ROBO2: variants seen among roughly 807,000 people sequenced by gnomAD.
ROBO2 encodes the protein roundabout guidance receptor 2, also known as roundabout homolog 2.
Under a neutral mutation model 160.8 loss-of-function variants are expected in ROBO2, and 53 were observed. That is an observed-to-expected ratio of 0.33 (90% confidence interval 0.26 to 0.41). ROBO2 has a LOEUF of 0.41. Among genes scored for constraint, ROBO2 ranks in the 10% least tolerant of loss-of-function variants. ROBO2 has a pLI of 1.00. For synonymous variants in ROBO2, 664 were observed against 611.7 expected (o/e 1.09, Z -1.26); for missense variants, 1,577 against 1,722.4 (o/e 0.92, Z 1.49).
rs1017915652 is a variant in ROBO2, at chr3:76,939,786, A to C, written c.110-158228A>C. ...GCCACGGAGCAAGATTCTATCTAAA[A>C]AAATAAGTAAATAAATCAATCAATC... On this transcript the variant is annotated intron_variant, in intron 2 of 26. Transcript: ENST00000487694. Among the ~76,000 whole-genome samples the C allele has an allele frequency of 1.2e-4, 19 of 152,036 alleles. 1 individual carries two copies. Among genetic ancestry groups the C allele is most frequent in the Non-Finnish European group, 4.4e-5 (3 of 68,022 alleles).
intron 2 of ROBO2, among the ~76,000 whole-genome samples, chr3:77,307,772 A>G (rs553220045): frequency 6.6e-6 from 1 of 152,130 alleles, no homozygotes; most frequent in African/African-American, 2.4e-5. Flanking sequence ...AATCCCAGCT[A>G]CTCGGGAGGC....
intron 2 of ROBO2, among the ~76,000 whole-genome samples, chr3:77,377,327 C>A (rs767955399): frequency 3.3e-5 from 5 of 152,094 alleles, no homozygotes; most frequent in South Asian, 2.1e-4. Flanking sequence ...GGTTATTCCT[C>A]CTAAAATATT....
chr3:77,375,893 A>G (rs2072578862), intron 2 of ROBO2, among the ~76,000 whole-genome samples: 1 of 149,416 alleles, frequency 6.7e-6, no homozygotes, highest in Non-Finnish European at 1.5e-5. Flanking sequence ...GAGTGAAATT[A>G]CCGATGATTT....
chr3:76,347,228 T>C (rs1381771595), intron 2 of ROBO2, among the ~76,000 whole-genome samples: 1 of 152,152 alleles, frequency 6.6e-6, no homozygotes, highest in Non-Finnish European at 1.5e-5. Flanking sequence ...CCCCAAGGCA[T>C]AGATTCTCCT....
intron 2 of ROBO2, among the ~76,000 whole-genome samples, chr3:77,294,992 A>G (rs1204670550): frequency 2.0e-5 from 3 of 151,866 alleles, no homozygotes; most frequent in Non-Finnish European, 4.4e-5. Context: ...AGTAAAATTG[A>G]CGGTTAAACG....
At chr3:77,071,962 C>T (rs1190720963) in intron 1 of ROBO2, among the ~76,000 whole-genome samples, 2 of 152,100 alleles carry the variant, frequency 1.3e-5, no homozygotes, top group African/African-American at 4.8e-5. Context: ...CAGTACCGCT[C>T]GTGACTTGTT....
rs376391824 is a variant in ROBO2 at position 76,219,684 on chromosome 3, A to C, written c.109+282082A>C. Among the ~76,000 whole-genome samples, 667 of 152,184 alleles carry C rather than the reference A, an allele frequency of 4.4e-3. 3 individuals carry two copies. The highest frequency in any genetic ancestry group is 6.4e-3 in the Non-Finnish European group (435 of 67,990). ...TTAAAAAGTCAGGAAACAACAGGTG[A>C]TGGAGAGGATGTGGAGAAATAGGAA... On this transcript the variant is annotated intron_variant, in intron 2 of 26. Coordinates refer to the ROBO2 transcript ENST00000487694.
intron 2 of ROBO2, among the ~76,000 whole-genome samples, chr3:75,997,220 A>T (rs1326711045): frequency 6.6e-6 from 1 of 152,178 alleles, no homozygotes; most frequent in Non-Finnish European, 1.5e-5. Flanking sequence ...CTGTTGCAGG[A>T]TTCACTCAAT....
intron 16 of ROBO2, among the ~76,000 whole-genome samples, chr3:77,586,135 A>G (rs571480175): frequency 6.6e-6 from 1 of 152,262 alleles, no homozygotes; most frequent in African/African-American, 2.4e-5. Context: ...TTTTCTGTGC[A>G]GTTTCCTATG....
At chr3:76,741,191 C>T (rs557565123) in intron 2 of ROBO2, among the ~76,000 whole-genome samples, 2 of 152,082 alleles carry the variant, frequency 1.3e-5, no homozygotes, top group Admixed American at 6.6e-5. Context: ...CCAGAAACAC[C>T]TTGTTTATCT....
chr3:76,304,175 T>C (rs1286740339), intron 2 of ROBO2, among the ~76,000 whole-genome samples: 1 of 152,228 alleles, frequency 6.6e-6, no homozygotes, highest in Non-Finnish European at 1.5e-5. Flanking sequence ...ATATTATATG[T>C]TACCATACAT....
intron 2 of ROBO2, among the ~76,000 whole-genome samples, chr3:76,641,458 G>A (rs1011040649): frequency 6.6e-6 from 1 of 151,976 alleles, no homozygotes; most frequent in African/African-American, 2.4e-5. Context: ...GTTCATCCTT[G>A]GAATAACTGA....
chr3:77,097,153 T>C (rs565340762), intron 1 of ROBO2, among the ~76,000 whole-genome samples: 18 of 152,336 alleles, frequency 1.2e-4, no homozygotes, highest in African/African-American at 3.8e-4. Flanking sequence ...AAACCTTTTC[T>C]TGCTGTATCA....
intron 2 of ROBO2, among the ~76,000 whole-genome samples, chr3:76,535,401 G>A (rs906257017): frequency 4.6e-5 from 7 of 152,062 alleles, no homozygotes; most frequent in Non-Finnish European, 7.3e-5. Flanking sequence ...TGATACTGGC[G>A]TTGAGTGGGG....
At chr3:76,370,514 TAG>T (rs577853736) in intron 2 of ROBO2, among the ~76,000 whole-genome samples, 648 of 152,026 alleles carry the variant, frequency 4.3e-3, no homozygotes, top group Middle Eastern at 0.01. Flanking sequence ...ATTATATTAT[TAG>T]AATTTTCCAT....
chr3:76,493,645 A>G (rs140192172), intron 2 of ROBO2, among the ~76,000 whole-genome samples: 1,547 of 151,926 alleles, frequency 0.01, 23 homozygotes, highest in African/African-American at 0.035. Context: ...TTTCTTGATG[A>G]CATTCACTGA....
intron 2 of ROBO2, among the ~76,000 whole-genome samples, chr3:75,997,782 C>T (rs191573690): frequency 4.6e-5 from 7 of 152,152 alleles, no homozygotes; most frequent in East Asian, 1.9e-4. Context: ...CGTGAGCCAC[C>T]GCGCCCGGCA....
At chr3:76,747,878 T>C (rs2093919358) in intron 2 of ROBO2, among the ~76,000 whole-genome samples, 1 of 152,054 alleles carries the variant, frequency 6.6e-6, no homozygotes, top group African/African-American at 2.4e-5. Flanking sequence ...GTATTCTTCC[T>C]CTGAAATTAG....
intron 2 of ROBO2, among the ~76,000 whole-genome samples, chr3:76,296,151 T>C (rs1398440706): frequency 6.6e-6 from 1 of 151,990 alleles, no homozygotes; most frequent in East Asian, 1.9e-4. Flanking sequence ...GAGAATACGA[T>C]GTGATGACAG....
Sources: gnomAD v4.1 joint callset for allele counts (sites outside exome capture counted in the v4.1 genomes callset) on GRCh38, gnomAD v4.1.1 for gene constraint, MANE v1.5 for transcripts, NCBI Gene and HGNC (gene_info 2026-07-23, HGNC 2026-07-21) for gene names.